UBTD2: variants seen among roughly 807,000 people sequenced by gnomAD.
The protein encoded by UBTD2 is ubiquitin domain-containing protein 2.
Under a neutral mutation model 19.8 loss-of-function variants are expected in UBTD2, and 9 were observed. The observed-to-expected ratio is 0.46, with a 90% CI of 0.27 to 0.79. UBTD2 has a LOEUF of 0.79. Among genes scored for constraint, UBTD2 ranks in the 30% least tolerant of loss-of-function variants. UBTD2 has a pLI of 0.14. For synonymous variants in UBTD2, 98 were observed against 103.9 expected (o/e 0.94, Z 0.35); for missense variants, 250 against 300.4 (o/e 0.83, Z 1.24).
chr5:172,215,498 A>T (rs1056184698), intron 2 of UBTD2, among the ~76,000 whole-genome samples: 3 of 152,164 alleles, frequency 2.0e-5, no homozygotes, highest in Admixed American at 6.5e-5. Context: ...CCTCCATATT[A>T]CCGAAGGCCC....
intron 1 of UBTD2, among the ~76,000 whole-genome samples, chr5:172,260,592 A>C (rs1444651612): frequency 1.3e-5 from 2 of 152,190 alleles, no homozygotes; most frequent in Non-Finnish European, 2.9e-5. Flanking sequence ...ACCTATTCCT[A>C]CCCTACAACT....
intron 1 of UBTD2, among the ~76,000 whole-genome samples, chr5:172,243,733 TTG>T (rs1265682693): frequency 6.6e-6 from 1 of 151,850 alleles, no homozygotes; most frequent in African/African-American, 2.4e-5. Context: ...TGGCTAATTT[TTG>T]TATTTTTAGT....
chr5:172,282,175 CAATT>C (rs1755731462), intron 1 of UBTD2, among the ~76,000 whole-genome samples: 1 of 152,184 alleles, frequency 6.6e-6, no homozygotes, highest in Non-Finnish European at 1.5e-5. Flanking sequence ...ATGATCAACA[CAATT>C]AGAGGAAGAT....
chr5:172,255,569 G>A (rs1257446062), intron 1 of UBTD2: 13 of 257,086 alleles, frequency 5.1e-5, no homozygotes, highest in Non-Finnish European at 5.6e-5. Flanking sequence ...GGTTCCGGGC[G>A]GCGTTGACGG....
intron 1 of UBTD2, among the ~76,000 whole-genome samples, chr5:172,235,388 C>G (rs1215677278): frequency 6.6e-6 from 1 of 152,192 alleles, no homozygotes; most frequent in Admixed American, 6.5e-5. Flanking sequence ...ATTCTACTCT[C>G]TGGACTTTAG....
At chr5:172,232,764 G>A (rs1771928991) in intron 2 of UBTD2, among the ~76,000 whole-genome samples, 1 of 151,520 alleles carries the variant, frequency 6.6e-6, no homozygotes, top group Non-Finnish European at 1.5e-5. Flanking sequence ...CGTGCCTGTA[G>A]TACCAGGTAC....
chr5:172,210,821 T>C lies in UBTD2; in HGVS notation c.*1009A>G, dbSNP rs951592440. ...CAGGCACAGATAAAATAGGCTTTCC[T>C]TACACCCCTCCATGCAAAGTGGAGG... On this transcript the variant is annotated 3_prime_UTR_variant, in exon 3 of 3. Transcript: ENST00000393792. 6.6e-6 allele frequency: 1 copy of C among 152,154 alleles called. No individual in the cohort carries two copies. The highest frequency in any genetic ancestry group is 2.4e-5 in the African/African-American group (1 of 41,432). The allele number at this position is 152,154 out of a possible 1,614,324, so 9.4% of individuals were successfully genotyped here.
At chr5:172,277,900 A>C (rs1206732291) in intron 1 of UBTD2, among the ~76,000 whole-genome samples, 1 of 152,092 alleles carries the variant, frequency 6.6e-6, no homozygotes. Flanking sequence ...AAAGGGCATA[A>C]ATATTTCTCC....
intron 1 of UBTD2, among the ~76,000 whole-genome samples, chr5:172,282,122 A>G (rs1755730200): frequency 6.6e-6 from 1 of 152,234 alleles, no homozygotes; most frequent in Non-Finnish European, 1.5e-5. Context: ...AATTAAAACT[A>G]AACACTAGCG....
chr5:172,272,431 T>C (rs1283826640), intron 1 of UBTD2, among the ~76,000 whole-genome samples: 1 of 152,108 alleles, frequency 6.6e-6, no homozygotes, highest in Non-Finnish European at 1.5e-5. Flanking sequence ...ATGAGGGGCA[T>C]GGGGAGAAGC....
rs745863478 is a variant in UBTD2 at position 172,212,086 on chromosome 5, T to C, written c.449A>G (p.Tyr150Cys). 3.1e-6 allele frequency: 5 copies of C among 1,614,204 alleles called. No individual in the cohort carries two copies. In the South Asian group the frequency reaches 3.3e-5, roughly 11 times the overall value. ...AAGGCGCAAACGAAGCTGACATTCATATCCAGAATTGGGTGGTGGCTCAGG... is the reference window on the plus strand; with the variant it reads ...AAGGCGCAAACGAAGCTGACATTCACATCCAGAATTGGGTGGTGGCTCAGG... Reference protein sequence around the residue: ...DIPEPPPNSGYECQLRLRLST... With the variant: ...DIPEPPPNSGCECQLRLRLST... The change falls in exon 3 of 3, where the codon TAT (tyrosine) becomes TGT (cysteine). Residue 150 changes from tyrosine to cysteine, a missense_variant. By Grantham distance (194) the Tyr-to-Cys change is radical. Coordinates refer to ENST00000393792, the MANE Select transcript of UBTD2 (RefSeq NM_152277.3).
intron 2 of UBTD2, among the ~76,000 whole-genome samples, chr5:172,215,813 G>A (rs1429655283): frequency 6.6e-6 from 1 of 152,138 alleles, no homozygotes; most frequent in Admixed American, 6.6e-5. Context: ...GCCTTTGATG[G>A]GCTTACTGGT....
At chr5:172,277,016 C>G (rs749496580) in intron 1 of UBTD2, among the ~76,000 whole-genome samples, 6 of 135,092 alleles carry the variant, frequency 4.4e-5, no homozygotes, top group Non-Finnish European at 9.1e-5. Flanking sequence ...TTGCAGTCAG[C>G]CGAGATCATG....
At chr5:172,234,742 T>C (rs1447052110) in intron 1 of UBTD2, among the ~76,000 whole-genome samples, 1 of 152,116 alleles carries the variant, frequency 6.6e-6, no homozygotes. Context: ...CCCCCATCTC[T>C]ACAAAATACA....
rs1771415323 is a variant in UBTD2 at position 172,210,269 on chromosome 5, A to G, written c.*1561T>C. On this transcript the variant is annotated 3_prime_UTR_variant, in exon 3 of 3. Coordinates refer to ENST00000393792, the MANE Select transcript of UBTD2 (RefSeq NM_152277.3). Reference sequence around the variant, plus strand: ...ATAGGAAATTCAATACCATTTAAACATTACATTTAAACTAATTAGCAGTTT... The same window carrying G: ...ATAGGAAATTCAATACCATTTAAACGTTACATTTAAACTAATTAGCAGTTT... 1 of 152,236 alleles carries G rather than the reference A, an allele frequency of 6.6e-6. No homozygotes were observed. Among genetic ancestry groups the G allele is most frequent in the Non-Finnish European group, 1.5e-5 (1 of 68,040 alleles). The allele number at this position is 152,236 out of a possible 1,614,324, so 9.4% of individuals were successfully genotyped here.
chr5:172,250,898 C>T (rs1754990461), intron 1 of UBTD2, among the ~76,000 whole-genome samples: 3 of 122,578 alleles, frequency 2.4e-5, no homozygotes, highest in Admixed American at 1.1e-4. Context: ...CGTACCACTG[C>T]ACTCCAGCCT....
At chr5:172,280,139 A>T (rs1184762120) in intron 1 of UBTD2, among the ~76,000 whole-genome samples, 2 of 151,778 alleles carry the variant, frequency 1.3e-5, no homozygotes, top group Non-Finnish European at 2.9e-5. Flanking sequence ...AAATTCTAGG[A>T]GCATGGAAGC....
intron 2 of UBTD2, among the ~76,000 whole-genome samples, chr5:172,216,029 T>C (rs780520809): frequency 1.1e-4 from 17 of 152,000 alleles, no homozygotes; most frequent in Admixed American, 5.2e-4. Context: ...CCGAGCGTGG[T>C]GGCAGGCGCT....
At chr5:172,233,773 C>A (rs888490947) in intron 2 of UBTD2, among the ~76,000 whole-genome samples, 86 of 139,660 alleles carry the variant, frequency 6.2e-4, no homozygotes, top group African/African-American at 2.2e-3. Flanking sequence ...GAAGTGGAAG[C>A]TCCAATAGAT....
Sources: allele counts gnomAD v4.1 joint callset (sites outside exome capture counted in the v4.1 genomes callset), GRCh38; gene constraint gnomAD v4.1.1; transcripts MANE v1.5; gene names NCBI Gene and HGNC (gene_info 2026-07-23, HGNC 2026-07-21).